TCHP: variants seen among roughly 807,000 people sequenced by gnomAD.
TCHP encodes trichoplein keratin filament-binding protein.
In TCHP, 81 loss-of-function variants were observed where a neutral mutation model predicts 88.7. The observed-to-expected ratio is 0.91, with a 90% CI of 0.76 to 1.10. TCHP has a LOEUF of 1.10. Ranked by LOEUF, TCHP falls within the 50% of genes least tolerant of loss-of-function variation. The pLI is 0.00. For synonymous variants in TCHP, 232 were observed against 232.5 expected (o/e 1.00, Z 0.02); for missense variants, 641 against 632.1 (o/e 1.01, Z -0.15).
the TCHP span, among the ~76,000 whole-genome samples, chr12:109,893,553 A>G: frequency 6.6e-6 from 1 of 152,126 alleles, no homozygotes; most frequent in Non-Finnish European, 1.5e-5. Flanking sequence ...CTAATGCCAA[A>G]GTGTCCCATG....
chr12:109,898,276 C>A (rs1326488015), upstream of TCHP, among the ~76,000 whole-genome samples: 2 of 152,206 alleles, frequency 1.3e-5, no homozygotes, highest in Non-Finnish European at 2.9e-5. Context: ...GTGGCATGAT[C>A]TTGGCTCACT....
At chr12:109,906,071 T>C (rs1211329752) in intron 4 of TCHP, among the ~76,000 whole-genome samples, 1 of 152,180 alleles carries the variant, frequency 6.6e-6, no homozygotes, top group African/African-American at 2.4e-5. Context: ...ATCCAGGAGA[T>C]TGTCTGCGCT....
At position 109,913,149 on chromosome 12, in the gene TCHP, G is replaced by T. The variant is rs1362539845; in HGVS notation, c.1134+77G>T. 8.2e-6 allele frequency: 11 copies of T among 1,346,344 alleles called. No individual in the cohort carries two copies. In the Middle Eastern group the frequency reaches 7.2e-4, roughly 88 times the overall value. 83.4% of individuals were successfully genotyped at this position (1,346,344 alleles called of 1,614,324 possible). A position where few individuals can be genotyped will look rare whatever the true frequency, so the allele number is the denominator to read the frequency against. On this transcript the variant is annotated intron_variant, in intron 10 of 12. Transcript: ENST00000405876. ...CTGGAAGTCCATGGTCAGTCACCCT[G>T]CCAGATGCTCTGGGAACAGAGTCTT... is the stretch of plus-strand genomic sequence containing the variant.
At chr12:109,909,325 C>T (rs1441663287) in intron 8 of TCHP, among the ~76,000 whole-genome samples, 1 of 152,182 alleles carries the variant, frequency 6.6e-6, no homozygotes, top group Non-Finnish European at 1.5e-5. Flanking sequence ...AACTGTGTTA[C>T]TTAAAAAGCA....
chr12:109,908,755 A>C (rs1211077827), intron 7 of TCHP, 57 bp downstream of exon 7: 21 of 1,558,784 alleles, frequency 1.3e-5, no homozygotes, highest in Non-Finnish European at 1.8e-5. Flanking sequence ...TTGCTTTTTC[A>C]GACTTGCATT....
rs564783644 is a variant in TCHP at position 109,907,817 on chromosome 12, C to T, written c.699+118C>T. On this transcript the variant is annotated intron_variant, in intron 6 of 12. Transcript: ENST00000405876. The stretch of plus-strand genomic sequence containing the variant: ...AGCAGGGCTGAGATTCTGCAAAGGG[C>T]GGCAGCAGCCGGGTTCTCCCTCTCA... 8.0e-4 allele frequency: 916 copies of T among 1,144,436 alleles called. 1 individual carries two copies. The highest frequency in any genetic ancestry group is 6.0e-3 in the Middle Eastern group (20 of 3,318). 70.9% of individuals were successfully genotyped at this position (1,144,436 alleles called of 1,614,324 possible).
intron 12 of TCHP, among the ~76,000 whole-genome samples, chr12:109,916,346 C>A (rs1008801923): frequency 6.6e-6 from 1 of 152,182 alleles, no homozygotes; most frequent in Non-Finnish European, 1.5e-5. Context: ...CCCACTTGGC[C>A]GTGGATCAGT....
upstream of TCHP, among the ~76,000 whole-genome samples, chr12:109,896,243 G>A (rs758003997): frequency 2.6e-5 from 4 of 152,040 alleles, no homozygotes; most frequent in Admixed American, 6.5e-5. Flanking sequence ...CACTGTGCCC[G>A]GCCGCAGGCC....
In TCHP at chr12:109,906,096, A is replaced by G. The variant is rs79088408; in HGVS notation, c.457-476A>G. ...TTGTCTGCGCTCAAATCTCTTACTA[A>G]CAATGCTAAACTTGTTGCACCTACT... On this transcript the variant is annotated intron_variant, in intron 4 of 12. Transcript: ENST00000405876. Among the ~76,000 whole-genome samples, 513 of 152,326 alleles carry G rather than the reference A, an allele frequency of 3.4e-3. 26 individuals carry two copies. The East Asian group carries it at 0.097, about 29-fold the overall frequency.
intron 9 of TCHP, among the ~76,000 whole-genome samples, chr12:109,912,123 G>A (rs1870533306): frequency 6.6e-6 from 1 of 152,178 alleles, no homozygotes; most frequent in Non-Finnish European, 1.5e-5. Flanking sequence ...GATGTTGAAT[G>A]CTGCTTACAT....
rs371270223 is a variant in TCHP, at chr12:109,914,470, A to G, written c.1163A>G (p.Gln388Arg). 47 of 1,613,696 alleles carry G rather than the reference A, an allele frequency of 2.9e-5. No homozygotes were observed. Among genetic ancestry groups the G allele is most frequent in the South Asian group, 1.4e-4 (13 of 91,044 alleles). ...CTGACAGGGAGACAACAGCAAATAC[A>G]AGAGAAGATTGAGCAGAACCGACGG... ...EVLTGRQQQI[Q>R]EKIEQNRRAQ... Residue 388 changes from glutamine to arginine, a missense_variant, in exon 11 of 13, where the codon CAA becomes CGA. Coordinates refer to ENST00000405876, the MANE Select transcript of TCHP (RefSeq NM_001143852.2).
intron 4 of TCHP, 174 bp downstream of exon 4, chr12:109,904,967 C>T (rs927553150): frequency 2.3e-5 from 14 of 596,608 alleles, no homozygotes; most frequent in South Asian, 4.2e-5. Flanking sequence ...GCGGCTCATT[C>T]GGTTGTTGAA....
chr12:109,917,804 T>G lies in TCHP; in HGVS notation c.*1181T>G, dbSNP rs891550783. ...TTCAAGATTCCATATCTCCGTAAATTACAGCTAATTACAGGGCATTGTTCC... is the reference window on the plus strand; with the variant it reads ...TTCAAGATTCCATATCTCCGTAAATGACAGCTAATTACAGGGCATTGTTCC... On this transcript the variant is annotated 3_prime_UTR_variant, in exon 13 of 13. Coordinates refer to ENST00000405876, the MANE Select transcript of TCHP (RefSeq NM_001143852.2). 5 of 152,650 alleles carry G rather than the reference T, an allele frequency of 3.3e-5. No homozygotes were observed. Among genetic ancestry groups the G allele is most frequent in the African/African-American group, 1.2e-4 (5 of 41,448 alleles). The allele number at this position is 152,650 out of a possible 1,614,324, so 9.5% of individuals were successfully genotyped here.
At chr12:109,901,066 C>T (rs1036718804) in intron 1 of TCHP, 1 of 152,216 alleles carries the variant, frequency 6.6e-6, no homozygotes, top group African/African-American at 2.4e-5. Flanking sequence ...AAAGGTCTGT[C>T]CTCCATGGTA....
chr12:109,887,012 GT>G, the TCHP span, among the ~76,000 whole-genome samples: 1 of 152,090 alleles, frequency 6.6e-6, no homozygotes, highest in African/African-American at 2.4e-5. Context: ...CGGCCTAGAT[GT>G]GCTTATTGTT....
At chr12:109,892,942 C>T in the TCHP span, among the ~76,000 whole-genome samples, 5 of 152,206 alleles carry the variant, frequency 3.3e-5, no homozygotes, top group African/African-American at 1.2e-4. Context: ...ACGGAGTCTA[C>T]CAGCTGCTTT....
chr12:109,896,666 A>C (rs560687658), upstream of TCHP, among the ~76,000 whole-genome samples: 1 of 152,076 alleles, frequency 6.6e-6, no homozygotes, highest in Non-Finnish European at 1.5e-5. Context: ...TCATGCCTGT[A>C]ATCCCAGCGC....
intron 6 of TCHP, among the ~76,000 whole-genome samples, chr12:109,908,064 C>T (rs1281849313): frequency 1.3e-5 from 2 of 152,102 alleles, no homozygotes; most frequent in African/African-American, 4.8e-5. Context: ...TTTCGGGTCT[C>T]GAGGCATAAC....
chr12:109,908,645 G>C lies in TCHP; in HGVS notation c.759G>C (p.Arg253Ser), dbSNP rs780420695. ...NLLKQRWELE[R>S]LEEERKQMEA... ...TGAAGCAGCGGTGGGAGCTAGAGAG[G>C]CTGGAGGAAGAGCGAAAGCAGATGG... Residue 253 changes from arginine (R) to serine (S), a missense_variant, in exon 7 of 13, where the codon AGG becomes AGC. Coordinates refer to ENST00000405876, the MANE Select transcript of TCHP (RefSeq NM_001143852.2). The C allele has an allele frequency of 2.5e-5, 40 of 1,601,998 alleles. No individual in the cohort carries two copies. Among genetic ancestry groups the C allele is most frequent in the Non-Finnish European group, 3.0e-5 (35 of 1,175,746 alleles).
Sources: gnomAD v4.1 joint callset for allele counts (sites outside exome capture counted in the v4.1 genomes callset) on GRCh38, gnomAD v4.1.1 for gene constraint, MANE v1.5 for transcripts, NCBI Gene and HGNC (gene_info 2026-07-23, HGNC 2026-07-21) for gene names.